The following ASMT variants were observed in gnomAD, a reference collection of about 807,000 sequenced individuals.
The protein encoded by ASMT is acetylserotonin N-methyltransferase.
Under a neutral mutation model 41.3 loss-of-function variants are expected in ASMT, and 53 were observed. The observed-to-expected ratio is 1.28, with a 90% CI of 1.03 to 1.61. The LOEUF (loss-of-function observed/expected upper bound fraction) is 1.61, where lower values mean the gene tolerates loss of function less well. ASMT is among the 40% of genes most tolerant of loss of function. ASMT has a pLI of 0.00. For synonymous variants in ASMT, 231 were observed against 184.8 expected, an observed-to-expected ratio of 1.25 and a Z score of -2.03; for missense variants, 531 against 441.3, an observed-to-expected ratio of 1.20 and a Z score of -1.82.
Position 1,642,858 on chromosome X carries a change from G to T in ASMT, c.966G>T (p.Leu322=), listed in dbSNP as rs147532133. 2.9e-5 allele frequency: 47 copies of T among 1,613,858 alleles called. No homozygotes were observed. In the African/African-American group the frequency reaches 5.5e-4, roughly 19 times the overall value. Residue 322 remains leucine, a synonymous_variant, in exon 9 of 9, where the codon CTG becomes CTT. Coordinates refer to ENST00000381241, the MANE Select transcript of ASMT (RefSeq NM_001171038.2). The part of the protein sequence containing the change: ...SLLDEDRRGP[L]LTQLYSLNML... ...TGGATGAAGACAGGCGAGGTCCTCT[G>T]CTCACGCAGCTCTACTCTCTGAACA...
At chrX:1,620,677 G>A (rs1934305521) in intron 1 of ASMT, among the ~76,000 whole-genome samples, 1 of 152,004 alleles carries the variant, frequency 6.6e-6, no homozygotes, top group African/African-American at 2.4e-5. Flanking sequence ...GAGGCAGGCA[G>A]ATCACGAGGT....
At position 1,642,082 on chromosome X, in the gene ASMT, G is replaced by A. The variant is rs1443569142; in HGVS notation, c.911-721G>A. Among the ~76,000 whole-genome samples, 25 of 146,586 alleles carry A rather than the reference G, an allele frequency of 1.7e-4. 1 individual carries two copies. The highest frequency in any genetic ancestry group is 3.1e-4 in the Non-Finnish European group (21 of 66,710). ...ATCCTGATGGCCCATGAGGATGTGG[G>A]CACAGCCTCTGTGTGTGTGTGTGTG... On this transcript the variant is annotated intron_variant, in intron 8 of 8. Coordinates refer to ENST00000381241, the MANE Select transcript of ASMT (RefSeq NM_001171038.2).
At chrX:1,623,697 T>C (rs1228255639) in intron 2 of ASMT, among the ~76,000 whole-genome samples, 1 of 152,102 alleles carries the variant, frequency 6.6e-6, no homozygotes, top group East Asian at 1.9e-4. Flanking sequence ...GGCTGGGGGA[T>C]TCCTTGAGCC....
chrX:1,634,476 A>AG (rs757953496), intron 7 of ASMT, among the ~76,000 whole-genome samples: 1 of 152,258 alleles, frequency 6.6e-6, no homozygotes, highest in South Asian at 2.1e-4. Flanking sequence ...AGAGTTCCCA[A>AG]GGTGATCCTA....
chrX:1,631,177 G>A, intron 5 of ASMT, among the ~76,000 whole-genome samples: 1 of 151,674 alleles, frequency 6.6e-6, no homozygotes, highest in East Asian at 2.0e-4. Flanking sequence ...GCCTCCCAAA[G>A]TGCCAGGATT....
intron 8 of ASMT, among the ~76,000 whole-genome samples, chrX:1,637,073 C>G (rs1214399569): frequency 9.7e-6 from 1 of 103,342 alleles, no homozygotes; most frequent in Non-Finnish European, 2.0e-5. Flanking sequence ...TGGGCACAGC[C>G]TCTGTGTGTG....
intron 8 of ASMT, 111 bp from the exon 9 acceptor site, chrX:1,642,692 C>T (rs749696661): frequency 5.6e-5 from 54 of 956,462 alleles, no homozygotes; most frequent in Admixed American, 1.9e-4. Context: ...GTGATGGGGA[C>T]GGTGCCCTGA....
At chrX:1,622,738 C>T (rs1340300438) in intron 1 of ASMT, among the ~76,000 whole-genome samples, 5 of 150,958 alleles carry the variant, frequency 3.3e-5, no homozygotes, top group Admixed American at 6.6e-5. Flanking sequence ...ATGGTGAAAC[C>T]CCATCTTTAC....
intron 1 of ASMT, among the ~76,000 whole-genome samples, chrX:1,616,964 T>A (rs1379813784): frequency 6.6e-6 from 1 of 151,932 alleles, no homozygotes; most frequent in Non-Finnish European, 1.5e-5. Flanking sequence ...CGCCTCGGCC[T>A]CCCAAAGTGC....
Position 1,633,216 on chromosome X carries a change from A to T in ASMT, c.713A>T (p.Asp238Val). ...LYPGCKITVF[D>V]IPEVVWTAKQ... The stretch of plus-strand genomic sequence containing the variant: ...CCTGGATGTAAGATCACCGTTTTTG[A>T]CATCCCAGAAGTGGTGTGGACGGCA... Residue 238 changes from aspartate (D) to valine (V), a missense_variant, in exon 7 of 9, where the codon GAC (aspartate) becomes GTC (valine). By Grantham distance (152) the Asp-to-Val change is radical. Coordinates refer to ENST00000381241, the MANE Select transcript of ASMT (RefSeq NM_001171038.2). 6.2e-7 allele frequency: 1 copy of T among 1,613,868 alleles called. No individual in the cohort carries two copies. Among genetic ancestry groups the T allele is most frequent in the Non-Finnish European group, 8.5e-7 (1 of 1,179,838 alleles).
chrX:1,615,367 T>C, intron 1 of ASMT, 99 bp downstream of exon 1: 1 of 1,167,738 alleles, frequency 8.6e-7, no homozygotes, highest in Admixed American at 2.0e-5. Flanking sequence ...GTCTCCATCA[T>C]TTTAGGAGGT....
intron 1 of ASMT, among the ~76,000 whole-genome samples, chrX:1,617,772 C>T (rs1464920186): frequency 6.7e-6 from 1 of 149,868 alleles, no homozygotes; most frequent in African/African-American, 2.5e-5. Context: ...CGTTCCAACA[C>T]GCCCAGATAA....
At chrX:1,622,639 C>T (rs1188948370) in intron 1 of ASMT, among the ~76,000 whole-genome samples, 4 of 151,826 alleles carry the variant, frequency 2.6e-5, no homozygotes, top group East Asian at 1.9e-4. Context: ...TGGGGCCAGG[C>T]GCAATGGCTC....
intron 1 of ASMT, among the ~76,000 whole-genome samples, chrX:1,620,856 T>A (rs1178880376): frequency 6.6e-6 from 1 of 151,772 alleles, no homozygotes; most frequent in Non-Finnish European, 1.5e-5. Flanking sequence ...GCCACTGCAC[T>A]CCAGCCTGGC....
At chrX:1,636,996 G>A (rs1168979988) in intron 8 of ASMT, among the ~76,000 whole-genome samples, 2 of 79,466 alleles carry the variant, frequency 2.5e-5, no homozygotes, top group African/African-American at 1.1e-4. Flanking sequence ...CACAGCCTCT[G>A]TGTGTGATGG....
At position 1,636,552 on chromosome X, in the gene ASMT, G is replaced by C. The variant is rs121918827; in HGVS notation, c.902G>C (p.Cys301Ser). ...CTGCTGGAGAGGATCTACCACACTT[G>C]CAAGCCAGGTAAGTTGTGGGGTTTG... ...SHLLERIYHT[C>S]KPGGGILVIE... The change falls in exon 8 of 9, where the codon TGC becomes TCC. Residue 301 changes from cysteine (C) to serine (S), a missense_variant. By Grantham distance (112) the Cys-to-Ser change is moderately radical. Transcript: ENST00000381241. 1.1e-4 allele frequency: 179 copies of C among 1,610,740 alleles called. 1 individual carries two copies. Among genetic ancestry groups the C allele is most frequent in the Admixed American group, 2.0e-4 (12 of 59,688 alleles).
chrX:1,635,704 A>T (rs1277770044), intron 7 of ASMT, among the ~76,000 whole-genome samples: 1 of 151,796 alleles, frequency 6.6e-6, no homozygotes, highest in Non-Finnish European at 1.5e-5. Flanking sequence ...TCTACTAAAA[A>T]TACAAAAATT....
intron 7 of ASMT, among the ~76,000 whole-genome samples, chrX:1,636,030 A>G (rs184603936): frequency 0.052 from 7,647 of 147,246 alleles, 679 homozygotes; most frequent in African/African-American, 0.18. Context: ...ATCTCGGCTC[A>G]CTGCAAGCTC....
rs746710348 is a variant in ASMT, at chrX:1,626,749, C to T, written c.375-954C>T. ...TTTAAACAATTAAGCAACAGCTGGC[C>T]AGGCGCGGTGGCTCACGCCTGTAAT... On this transcript the variant is annotated intron_variant, in intron 3 of 8. Coordinates refer to ENST00000381241, the MANE Select transcript of ASMT (RefSeq NM_001171038.2). Among the ~76,000 whole-genome samples, 18 of 152,274 alleles carry T rather than the reference C, an allele frequency of 1.2e-4. No individual in the cohort carries two copies. The South Asian group carries it at 1.2e-3, about 11-fold the overall frequency.
Sources: allele counts gnomAD v4.1 joint callset (sites outside exome capture counted in the v4.1 genomes callset), GRCh38; gene constraint gnomAD v4.1.1; transcripts MANE v1.5; gene names NCBI Gene and HGNC (gene_info 2026-07-23, HGNC 2026-07-21).